PPP2R1B: variants seen among roughly 807,000 people sequenced by gnomAD.
The protein encoded by PPP2R1B is serine/threonine-protein phosphatase 2A 65 kDa regulatory subunit A beta isoform.
In PPP2R1B, 58 loss-of-function variants were observed where a neutral mutation model predicts 72.7. The observed-to-expected ratio is 0.80, with a 90% CI of 0.65 to 0.99. The LOEUF is 0.99. Ranked by LOEUF, PPP2R1B falls within the 50% of genes least tolerant of loss-of-function variation. PPP2R1B has a pLI of 0.00. For missense variants in PPP2R1B, 695 were observed against 733.6 expected (o/e 0.95, Z 0.61); for synonymous variants, 256 against 264.6 (o/e 0.97, Z 0.32).
In PPP2R1B at chr11:111,764,882, C is replaced by T. The variant is rs782275757; in HGVS notation, c.229G>A (p.Val77Ile). The T allele has an allele frequency of 2.5e-6, 4 of 1,613,972 alleles. No individual in the cohort carries two copies. Among genetic ancestry groups the T allele is most frequent in the Non-Finnish European group, 3.4e-6 (4 of 1,179,990 alleles). The change falls in exon 3 of 15, where the codon GTA becomes ATA. Residue 77 changes from valine to isoleucine, a missense_variant. Physicochemically the swap from Val to Ile is conservative, Grantham distance 29. Transcript: ENST00000527614. The stretch of plus-strand genomic sequence containing the variant: ...AGCTGCTCAGCAAGAGCTAATAGTA[C>T]CTCATCTTCATCATAAATTGTATCT... ...LTDTIYDEDE[V>I]LLALAEQLGN...
chr11:111,716,556 G>A, the PPP2R1B span, among the ~76,000 whole-genome samples: 4 of 152,078 alleles, frequency 2.6e-5, no homozygotes, highest in African/African-American at 7.2e-5. Flanking sequence ...CAGCCTGGGC[G>A]ACAGAGTGAG....
chr11:111,717,343 A>AAAG, the PPP2R1B span, among the ~76,000 whole-genome samples: 2 of 149,282 alleles, frequency 1.3e-5, no homozygotes, highest in Non-Finnish European at 3.0e-5. Context: ...AAAAAAAAAA[A>AAAG]GCTCAACATG....
chr11:111,714,270 A>T, the PPP2R1B span, among the ~76,000 whole-genome samples: 1 of 152,198 alleles, frequency 6.6e-6, no homozygotes, highest in Non-Finnish European at 1.5e-5. Context: ...AAGATGGAGG[A>T]GGTTAGCATT....
At chr11:111,722,787 C>G (rs751158776), downstream of PPP2R1B, 2 of 1,599,860 alleles carry the variant, frequency 1.3e-6, no homozygotes, top group Non-Finnish European at 1.7e-6. This position sits in a 1 kb window ranked among gnomAD's most constrained non-coding sequence, Gnocchi z 4.4. Flanking sequence ...AAAGAAGTTG[C>G]TTCCTTTTCT....
rs782149458 is a variant in PPP2R1B, at chr11:111,754,504, T to A, written c.1024A>T (p.Ile342Leu). The A allele has an allele frequency of 1.2e-6, 2 of 1,603,106 alleles. No homozygotes were observed. The highest frequency in any genetic ancestry group is 1.7e-6 in the Non-Finnish European group (2 of 1,177,526). ...TIIMNQILPY[I>L]KELVSDTNQH... ...CAAAATAAAGTCAGGTTTACCTTTA[T>A]ATAAGGCAGAATTTGATTCATAATT... is the stretch of plus-strand genomic sequence containing the variant. The change falls in exon 8 of 15, where the codon ATA becomes TTA. Residue 342 changes from isoleucine (I) to leucine (L), a missense_variant. Coordinates refer to ENST00000527614, the MANE Select transcript of PPP2R1B (RefSeq NM_002716.5).
intron 9 of PPP2R1B, among the ~76,000 whole-genome samples, chr11:111,753,006 T>C (rs1215442072): frequency 2.0e-5 from 3 of 151,826 alleles, no homozygotes; most frequent in African/African-American, 7.3e-5. Flanking sequence ...GGGATAATAA[T>C]AAGACCTACC....
At chr11:111,752,562 A>G (rs1399236418) in intron 9 of PPP2R1B, among the ~76,000 whole-genome samples, 1 of 152,258 alleles carries the variant, frequency 6.6e-6, no homozygotes, top group African/African-American at 2.4e-5. Flanking sequence ...AGTCCGTAAG[A>G]TGGTAAAGAG....
chr11:111,715,614 C>G, the PPP2R1B span, among the ~76,000 whole-genome samples: 1 of 152,070 alleles, frequency 6.6e-6, no homozygotes, highest in Non-Finnish European at 1.5e-5. Flanking sequence ...AGTTGCCCAA[C>G]TCTAGATAAG....
Position 111,739,575 on chromosome 11 carries a change from A to G in PPP2R1B, c.*2021T>C. 1 of 985,452 alleles carries G rather than the reference A, an allele frequency of 1.0e-6. No homozygotes were observed. The highest frequency in any genetic ancestry group is 1.2e-6 in the Non-Finnish European group (1 of 829,930). The allele number at this position is 985,452 out of a possible 1,614,324, so 61.0% of individuals were successfully genotyped here. On this transcript the variant is annotated 3_prime_UTR_variant, in exon 15 of 15. Transcript: ENST00000527614. ...TCCCTCTCTCAAACAGTTTTAGGGT[A>G]GAGAAGTCAATGCTTAGGGCTCCTC...
At chr11:111,713,156 C>T in the PPP2R1B span, among the ~76,000 whole-genome samples, 1 of 151,784 alleles carries the variant, frequency 6.6e-6, no homozygotes, top group Non-Finnish European at 1.5e-5. Flanking sequence ...CAGAGTGAGA[C>T]TCCATCTCAA....
intron 11 of PPP2R1B, among the ~76,000 whole-genome samples, chr11:111,747,365 T>C (rs1008035326): frequency 6.6e-6 from 1 of 152,206 alleles, no homozygotes; most frequent in East Asian, 1.9e-4. Context: ...CTATCTGACC[T>C]GCCCTGAGCT....
At chr11:111,759,995 G>A (rs1565475113) in intron 4 of PPP2R1B, 44 bp from the exon 5 acceptor site, 1 of 1,586,206 alleles carries the variant, frequency 6.3e-7, no homozygotes. Context: ...AAATAACACT[G>A]AATAAACCTG....
downstream of PPP2R1B, chr11:111,737,721 G>T: frequency 7.0e-7 from 1 of 1,424,318 alleles, no homozygotes; most frequent in Non-Finnish European, 9.4e-7. Context: ...ACTGGGCAGA[G>T]AAAGCTGGGG....
At chr11:111,702,265 C>A in the PPP2R1B span, among the ~76,000 whole-genome samples, 1 of 152,128 alleles carries the variant, frequency 6.6e-6, no homozygotes, top group African/African-American at 2.4e-5. Context: ...TAGCACCTAC[C>A]GCACGGGTGT....
chr11:111,713,384 C>T, the PPP2R1B span, among the ~76,000 whole-genome samples: 2 of 152,260 alleles, frequency 1.3e-5, no homozygotes, highest in African/African-American at 4.8e-5. Context: ...TAGACCTCCT[C>T]TTAGTGTGAA....
chr11:111,726,817 C>A, downstream of PPP2R1B: 1 of 699,308 alleles, frequency 1.4e-6, no homozygotes, highest in Admixed American at 2.3e-5. Context: ...GTGTACACTA[C>A]TGTATCATCA....
At chr11:111,748,126 A>G in intron 10 of PPP2R1B, 112 bp from the exon 11 acceptor site, 1 of 859,358 alleles carries the variant, frequency 1.2e-6, no homozygotes, top group African/African-American at 1.7e-5. Flanking sequence ...GTTTCCAAAT[A>G]AACAAATAAG....
intron 9 of PPP2R1B, 83 bp from the exon 10 acceptor site, chr11:111,752,415 G>A (rs1944943831): frequency 1.5e-5 from 20 of 1,374,008 alleles, no homozygotes; most frequent in Non-Finnish European, 1.9e-5. Context: ...AAGATAAAAG[G>A]TGAGGTAAGA....
chr11:111,711,842 T>C, the PPP2R1B span, among the ~76,000 whole-genome samples: 1 of 152,210 alleles, frequency 6.6e-6, no homozygotes, highest in East Asian at 1.9e-4. Flanking sequence ...TCCTAAGATT[T>C]TTCTATTCTT....
Sources: allele counts gnomAD v4.1 joint callset (sites outside exome capture counted in the v4.1 genomes callset), GRCh38; gene constraint gnomAD v4.1.1; non-coding constraint Gnocchi (gnomAD v3.1); transcripts MANE v1.5; gene names NCBI Gene and HGNC (gene_info 2026-07-23, HGNC 2026-07-21).